FMNL2: variants seen among roughly 807,000 people sequenced by gnomAD.
FMNL2 encodes the protein formin like 2.
Under a neutral mutation model 130.2 loss-of-function variants are expected in FMNL2, and 51 were observed. That is an observed-to-expected ratio of 0.39 (90% CI 0.31 to 0.49). The LOEUF is 0.49. FMNL2 is among the 20% of genes least tolerant of loss of function. The probability of loss-of-function intolerance (pLI) is 0.85; values close to 1 mark genes in which losing one functional copy is unlikely to be tolerated. For missense variants in FMNL2, 977 were observed against 1,316.2 expected (o/e 0.74, Z 3.99); for synonymous variants, 465 against 467.1 (o/e 1.00, Z 0.06).
chr2:152,424,490 A>T (rs1687083379), intron 1 of FMNL2, among the ~76,000 whole-genome samples: 1 of 151,372 alleles, frequency 6.6e-6, no homozygotes, highest in Non-Finnish European at 1.5e-5. Context: ...TCCTGGGTTC[A>T]AGTGATTCTC....
chr2:152,554,760 G>A (rs1438111367), intron 4 of FMNL2, among the ~76,000 whole-genome samples: 1 of 152,158 alleles, frequency 6.6e-6, no homozygotes, highest in Non-Finnish European at 1.5e-5. Flanking sequence ...TTGAGTAAAT[G>A]TCTGCCACAT....
chr2:152,484,570 T>C (rs1277158507), intron 1 of FMNL2, among the ~76,000 whole-genome samples: 1 of 151,798 alleles, frequency 6.6e-6, no homozygotes, highest in African/African-American at 2.4e-5. Flanking sequence ...CCCAGGAGTT[T>C]GAGACCATCC....
At chr2:152,422,824 G>A (rs780595167) in intron 1 of FMNL2, among the ~76,000 whole-genome samples, 6 of 152,120 alleles carry the variant, frequency 3.9e-5, no homozygotes, top group Non-Finnish European at 8.8e-5. Context: ...CACCGCAACC[G>A]GCCTTGAATG....
intron 4 of FMNL2, among the ~76,000 whole-genome samples, chr2:152,550,915 A>G (rs1694902562): frequency 6.6e-6 from 1 of 152,114 alleles, no homozygotes; most frequent in African/African-American, 2.4e-5. Context: ...AGGTGGGTGG[A>G]TCACCTGAGG....
chr2:152,412,089 T>C (rs1361695465), intron 1 of FMNL2, among the ~76,000 whole-genome samples: 1 of 152,154 alleles, frequency 6.6e-6, no homozygotes, highest in African/African-American at 2.4e-5. Flanking sequence ...CCTTGAATGC[T>C]GCTAACTGTA....
intron 2 of FMNL2, 122 bp downstream of exon 2, chr2:152,522,148 G>A: frequency 1.3e-6 from 1 of 771,938 alleles, no homozygotes; most frequent in Non-Finnish European, 2.1e-6. Context: ...GACAGAGATA[G>A]GAAAAAAGAA....
At chr2:152,639,167 A>G (rs1291245110) in intron 23 of FMNL2, among the ~76,000 whole-genome samples, 1 of 152,182 alleles carries the variant, frequency 6.6e-6, no homozygotes, top group African/African-American at 2.4e-5. Context: ...GCACTCACCT[A>G]GGGACTTTGT....
At chr2:152,402,105 T>C (rs1229019191) in intron 1 of FMNL2, among the ~76,000 whole-genome samples, 5 of 152,034 alleles carry the variant, frequency 3.3e-5, no homozygotes, top group African/African-American at 7.2e-5. Context: ...GGTTTCACCA[T>C]GTTAGCCAGG....
intron 4 of FMNL2, among the ~76,000 whole-genome samples, chr2:152,550,433 T>G (rs1694872249): frequency 6.6e-6 from 1 of 152,228 alleles, no homozygotes; most frequent in African/African-American, 2.4e-5. Context: ...GTCATGATTT[T>G]AGAACTGGAA....
chr2:152,444,245 C>T (rs1688221929), intron 1 of FMNL2, among the ~76,000 whole-genome samples: 1 of 151,960 alleles, frequency 6.6e-6, no homozygotes, highest in South Asian at 2.1e-4. Flanking sequence ...TAGGAAGATT[C>T]AGAGGGAGAG....
chr2:152,430,387 A>G (rs1337066042), intron 1 of FMNL2, among the ~76,000 whole-genome samples: 1 of 152,138 alleles, frequency 6.6e-6, no homozygotes, highest in Admixed American at 6.5e-5. Flanking sequence ...TTATAGGCAA[A>G]ATGAACATTG....
At chr2:152,498,470 A>G (rs1417603513) in intron 1 of FMNL2, among the ~76,000 whole-genome samples, 1 of 151,984 alleles carries the variant, frequency 6.6e-6, no homozygotes, top group East Asian at 1.9e-4. Context: ...ATTTAACTTT[A>G]TATTATCTGG....
chr2:152,599,989 G>A (rs1697966437), intron 9 of FMNL2, among the ~76,000 whole-genome samples: 1 of 152,166 alleles, frequency 6.6e-6, no homozygotes, highest in African/African-American at 2.4e-5. Context: ...ACAGACCATT[G>A]ACAGCCACAG....
At chr2:152,417,362 T>A (rs910321333) in intron 1 of FMNL2, among the ~76,000 whole-genome samples, 2 of 152,168 alleles carry the variant, frequency 1.3e-5, no homozygotes, top group Non-Finnish European at 2.9e-5. Context: ...TTGAATGACA[T>A]CGATGTGGAG....
chr2:152,349,524 A>G (rs922245641), intron 1 of FMNL2, among the ~76,000 whole-genome samples: 1 of 152,218 alleles, frequency 6.6e-6, no homozygotes, highest in African/African-American at 2.4e-5. Context: ...CATTAAATGT[A>G]TGCTTCTTGT....
intron 6 of FMNL2, among the ~76,000 whole-genome samples, chr2:152,562,609 A>C (rs1194561982): frequency 9.9e-5 from 15 of 152,230 alleles, no homozygotes; most frequent in Non-Finnish European, 2.2e-4. Flanking sequence ...GTTTGGAATG[A>C]ATTGATTCAA....
At chr2:152,593,894 TGTGTGTGTGAGAGAGAGAGA>T (rs1697602544) in intron 9 of FMNL2, among the ~76,000 whole-genome samples, 1 of 112,016 alleles carries the variant, frequency 8.9e-6, no homozygotes, top group African/African-American at 3.3e-5. Context: ...TGTGTGTGTG[TGTGTGTGTGAGAGAGAGAGA>T]GAGAGAGAGA....
In FMNL2 at chr2:152,476,242, C is replaced by T. The variant is rs145771115; in HGVS notation, c.118-45701C>T. Among the ~76,000 whole-genome samples, 128 of 152,316 alleles carry T rather than the reference C, an allele frequency of 8.4e-4. 1 individual carries two copies. Among genetic ancestry groups the T allele is most frequent in the Non-Finnish European group, 1.2e-3 (81 of 68,028 alleles). ...TATTCTAGGAATGGCTTTAAAACAC[C>T]AGCTCTGTTTACCATTTGATGATAT... On this transcript the variant is annotated intron_variant, in intron 1 of 25. Coordinates refer to ENST00000288670, the MANE Select transcript of FMNL2 (RefSeq NM_052905.4).
chr2:152,645,565 G>C (rs540185708), intron 25 of FMNL2: 94 of 1,211,516 alleles, frequency 7.8e-5, no homozygotes, highest in Admixed American at 5.9e-4. Flanking sequence ...TCCTCTCTCT[G>C]TATGCAGATC....
Sources: gnomAD v4.1 joint callset for allele counts (sites outside exome capture counted in the v4.1 genomes callset) on GRCh38, gnomAD v4.1.1 for gene constraint, MANE v1.5 for transcripts, NCBI Gene and HGNC (gene_info 2026-07-23, HGNC 2026-07-21) for gene names.